Variants in PPARGC1A observed in about 807,000 individuals in gnomAD.
The protein encoded by PPARGC1A is PPARG coactivator 1 alpha, also known as peroxisome proliferator-activated receptor gamma coactivator 1-alpha.
Under a neutral mutation model 88.7 loss-of-function variants are expected in PPARGC1A, and 25 were observed. The observed-to-expected ratio is 0.28, with a 90% CI of 0.21 to 0.39. The LOEUF is 0.39. Ranked by LOEUF, PPARGC1A falls within the 10% of genes least tolerant of loss-of-function variation. PPARGC1A has a pLI of 1.00. For missense variants in PPARGC1A, 880 were observed against 968.7 expected (o/e 0.91, Z 1.22); for synonymous variants, 363 against 355.6 (o/e 1.02, Z -0.24).
the PPARGC1A span, among the ~76,000 whole-genome samples, chr4:24,439,649 G>A: frequency 1.3e-5 from 2 of 152,182 alleles, no homozygotes; most frequent in African/African-American, 4.8e-5. Context: ...GAAGAAACGG[G>A]AAGAATTCCA....
At chr4:24,067,337 T>A in the PPARGC1A span, among the ~76,000 whole-genome samples, 2 of 152,124 alleles carry the variant, frequency 1.3e-5, no homozygotes, top group East Asian at 3.9e-4. Context: ...AAATAGGTAA[T>A]AGACAGAGTT....
chr4:23,824,222 C>A, intron 7 of PPARGC1A, 58 bp downstream of exon 7: 1 of 1,288,988 alleles, frequency 7.8e-7, no homozygotes, highest in Non-Finnish European at 1.1e-6. Flanking sequence ...TATCTTATTA[C>A]ACACACACAC....
the PPARGC1A span, among the ~76,000 whole-genome samples, chr4:24,197,155 A>C: frequency 6.6e-6 from 1 of 152,200 alleles, no homozygotes; most frequent in Non-Finnish European, 1.5e-5. Context: ...ATTACTAAGG[A>C]AAGTTAGTAT....
chr4:24,137,602 C>T, the PPARGC1A span, among the ~76,000 whole-genome samples: 1 of 152,162 alleles, frequency 6.6e-6, no homozygotes, highest in Non-Finnish European at 1.5e-5. Context: ...AAGTCACCTT[C>T]CAAAATTCAG....
At chr4:24,091,949 A>ACACC in the PPARGC1A span, among the ~76,000 whole-genome samples, 1 of 151,714 alleles carries the variant, frequency 6.6e-6, no homozygotes, top group South Asian at 2.1e-4. Flanking sequence ...ACACACACAC[A>ACACC]CACATATGCT....
At chr4:24,357,435 A>G in the PPARGC1A span, among the ~76,000 whole-genome samples, 1 of 152,236 alleles carries the variant, frequency 6.6e-6, no homozygotes, top group Non-Finnish European at 1.5e-5. Context: ...AAAGCATTCA[A>G]GTAATACATT....
At chr4:24,132,816 A>C in the PPARGC1A span, among the ~76,000 whole-genome samples, 1 of 149,286 alleles carries the variant, frequency 6.7e-6, no homozygotes, top group Non-Finnish European at 1.5e-5. Context: ...TCTTCACTTG[A>C]CCTACCCAAT....
the PPARGC1A span, among the ~76,000 whole-genome samples, chr4:24,416,842 C>A: frequency 6.6e-6 from 1 of 152,112 alleles, no homozygotes; most frequent in Non-Finnish European, 1.5e-5. Context: ...ACCAGCCTGG[C>A]CAACATGGCC....
chr4:24,161,871 C>T, the PPARGC1A span, among the ~76,000 whole-genome samples: 6 of 151,880 alleles, frequency 4.0e-5, no homozygotes, highest in African/African-American at 1.5e-4. Context: ...TAATGGCACA[C>T]ACATGTTTAT....
At chr4:23,824,784 AC>A (rs1202883532) in intron 5 of PPARGC1A, among the ~76,000 whole-genome samples, 8 of 152,148 alleles carry the variant, frequency 5.3e-5, no homozygotes, top group Non-Finnish European at 8.8e-5. Context: ...TTTGCATCAT[AC>A]CATCAGAGAG....
the PPARGC1A span, among the ~76,000 whole-genome samples, chr4:24,386,111 C>A: frequency 5.9e-5 from 9 of 152,098 alleles, no homozygotes; most frequent in Admixed American, 5.9e-4. Flanking sequence ...TAAACATAAT[C>A]CATCACATAA....
At chr4:24,331,741 C>T in the PPARGC1A span, among the ~76,000 whole-genome samples, 1 of 146,116 alleles carries the variant, frequency 6.8e-6, no homozygotes, top group Admixed American at 7.1e-5. Context: ...ACTATACTTG[C>T]CTCTAAGGTG....
At chr4:23,926,538 T>A in the PPARGC1A span, among the ~76,000 whole-genome samples, 1 of 152,202 alleles carries the variant, frequency 6.6e-6, no homozygotes, top group African/African-American at 2.4e-5. Flanking sequence ...GAGAAAGCGC[T>A]TGAACATGGC....
chr4:23,832,873 G>A (rs1037781738), intron 2 of PPARGC1A, among the ~76,000 whole-genome samples: 12 of 147,110 alleles, frequency 8.2e-5, no homozygotes, highest in Non-Finnish European at 1.2e-4. Flanking sequence ...GCCTCCCAAA[G>A]TGCTGGGATT....
chr4:24,406,180 G>A, the PPARGC1A span, among the ~76,000 whole-genome samples: 3 of 152,144 alleles, frequency 2.0e-5, no homozygotes, highest in Non-Finnish European at 4.4e-5. Context: ...CAATTGCTTG[G>A]TCAGTAAAAA....
chr4:24,397,799 T>A, the PPARGC1A span, among the ~76,000 whole-genome samples: 3 of 152,144 alleles, frequency 2.0e-5, no homozygotes, highest in African/African-American at 7.2e-5. Flanking sequence ...TAATAGCAAA[T>A]ATAGTGCAAA....
At chr4:24,144,629 G>T in the PPARGC1A span, among the ~76,000 whole-genome samples, 1 of 149,944 alleles carries the variant, frequency 6.7e-6, no homozygotes, top group Non-Finnish European at 1.5e-5. Context: ...TGAGACCAGC[G>T]CAGAGAGGGA....
At chr4:24,220,797 A>G in the PPARGC1A span, among the ~76,000 whole-genome samples, 2 of 152,242 alleles carry the variant, frequency 1.3e-5, no homozygotes, top group East Asian at 3.8e-4. Context: ...CTACTGGATC[A>G]TTAGAAACCC....
At chr4:24,264,137 CTGTT>C in the PPARGC1A span, among the ~76,000 whole-genome samples, 1 of 152,262 alleles carries the variant, frequency 6.6e-6, no homozygotes, top group South Asian at 2.1e-4. Context: ...TATTTATTGA[CTGTT>C]TATGTGATCA....
Sources: allele counts gnomAD v4.1 joint callset (sites outside exome capture counted in the v4.1 genomes callset), GRCh38; gene constraint gnomAD v4.1.1; transcripts MANE v1.5; gene names NCBI Gene and HGNC (gene_info 2026-07-23, HGNC 2026-07-21).